The following TRIP12 variants were observed in gnomAD, a reference collection of about 807,000 sequenced individuals.
TRIP12 encodes the protein E3 ubiquitin-protein ligase TRIP12.
Under a neutral mutation model 244.2 loss-of-function variants are expected in TRIP12, and 25 were observed. The ratio of observed to expected loss-of-function variants is 0.10; its 90% CI spans 0.07 to 0.14. The LOEUF (loss-of-function observed/expected upper bound fraction) is 0.14, where lower values mean the gene tolerates loss of function less well. Among genes scored for constraint, TRIP12 ranks in the 10% least tolerant of loss-of-function variants. TRIP12 has a pLI of 1.00. For synonymous variants in TRIP12, 905 were observed against 873.1 expected (o/e 1.04, Z -0.64); for missense variants, 1,677 against 2,486.4 (o/e 0.67, Z 6.92).
upstream of TRIP12, chr2:229,922,495 A>T (rs2076750763): frequency 6.2e-7 from 1 of 1,613,518 alleles, no homozygotes; most frequent in South Asian, 1.1e-5. Context: ...TGTCTTAGCG[A>T]CGGCGGTGGC....
intron 1 of TRIP12, among the ~76,000 whole-genome samples, chr2:229,915,358 T>C (rs1414611484): frequency 6.6e-6 from 1 of 152,196 alleles, no homozygotes; most frequent in Non-Finnish European, 1.5e-5. Flanking sequence ...CTTTTTAAAA[T>C]GTATGATTTA....
At chr2:229,771,739 A>G in intron 38 of TRIP12, 107 bp from the exon 39 acceptor site, 2 of 732,286 alleles carry the variant, frequency 2.7e-6, no homozygotes, top group Non-Finnish European at 4.6e-6. Flanking sequence ...CTTTATAAAG[A>G]ACAAACAAGT....
At chr2:229,873,141 A>C (rs775821981) in intron 2 of TRIP12, among the ~76,000 whole-genome samples, 37 of 152,220 alleles carry the variant, frequency 2.4e-4, no homozygotes, top group Non-Finnish European at 4.6e-4. Context: ...AACAAGAATA[A>C]GGGTTTTCTT....
intron 4 of TRIP12, among the ~76,000 whole-genome samples, chr2:229,855,185 T>C (rs561703846): frequency 6.6e-6 from 1 of 152,240 alleles, no homozygotes; most frequent in Admixed American, 6.5e-5. Context: ...GAGAATCACT[T>C]GAACCCAGCA....
intron 23 of TRIP12, among the ~76,000 whole-genome samples, chr2:229,798,644 T>C (rs2043420260): frequency 6.6e-6 from 1 of 152,194 alleles, no homozygotes; most frequent in African/African-American, 2.4e-5. Context: ...TATAAGACTT[T>C]CAGCTAGGTA....
chr2:229,867,523 C>G (rs1428292891), intron 2 of TRIP12, among the ~76,000 whole-genome samples: 1 of 152,006 alleles, frequency 6.6e-6, no homozygotes, highest in Non-Finnish European at 1.5e-5. Flanking sequence ...GAAAACACCA[C>G]TATTAATTTT....
At chr2:229,850,588 C>A (rs1458881596) in intron 4 of TRIP12, among the ~76,000 whole-genome samples, 1 of 152,220 alleles carries the variant, frequency 6.6e-6, no homozygotes, top group Admixed American at 6.5e-5. Flanking sequence ...GCTCTCGGCG[C>A]CTCCTCTGCC....
In TRIP12 at chr2:229,815,363, G is replaced by C. The variant is rs575547675; in HGVS notation, c.1600-55C>G. On this transcript the variant is annotated intron_variant, in intron 9 of 41. Coordinates refer to ENST00000675903, the MANE Select transcript of TRIP12 (RefSeq NM_001348323.3). ...CTATATTCCTTGGGAAAATCCTAGA[G>C]GTATTTCTTCCTCTTCTATTTGAAC... is the stretch of plus-strand genomic sequence containing the variant. 4 of 1,051,780 alleles carry C rather than the reference G, an allele frequency of 3.8e-6. No homozygotes were observed. In the African/African-American group the frequency reaches 6.5e-5, roughly 17 times the overall value. The allele number at this position is 1,051,780 out of a possible 1,614,324, so 65.2% of individuals were successfully genotyped here.
chr2:229,883,302 G>A (rs1042467994), intron 1 of TRIP12, among the ~76,000 whole-genome samples: 1 of 152,150 alleles, frequency 6.6e-6, no homozygotes, highest in Admixed American at 6.5e-5. Context: ...AGAACCCAGA[G>A]GCCAAAAGTT....
rs534078238 is a variant in TRIP12, at chr2:229,765,165, G to A, written c.*2389C>T. The A allele has an allele frequency of 1.1e-4, 16 of 152,162 alleles. No individual in the cohort carries two copies. Among genetic ancestry groups the A allele is most frequent in the African/African-American group, 3.1e-4 (13 of 41,520 alleles). The allele number at this position is 152,162 out of a possible 1,614,324, so 9.4% of individuals were successfully genotyped here. ...ACTGTCTAAATGACAACACAAATTC[G>A]GTGTTAGCTATGACTAACATCTGAC... On this transcript the variant is annotated 3_prime_UTR_variant, in exon 42 of 42. Coordinates refer to ENST00000675903, the MANE Select transcript of TRIP12 (RefSeq NM_001348323.3).
chr2:229,805,413 A>G (rs1016989493), intron 18 of TRIP12, among the ~76,000 whole-genome samples: 5 of 152,162 alleles, frequency 3.3e-5, no homozygotes, highest in Admixed American at 2.6e-4. Context: ...GGAAGGTATA[A>G]AATACAAGGT....
At chr2:229,851,973 C>T (rs187276274) in intron 4 of TRIP12, among the ~76,000 whole-genome samples, 1 of 152,336 alleles carries the variant, frequency 6.6e-6, no homozygotes, top group Non-Finnish European at 1.5e-5. Flanking sequence ...ATTCATCTCT[C>T]CTGCTTAACT....
At chr2:229,864,041 AGAGAGAGTGTGTGTGTGTGT>A (rs1339454633) in intron 2 of TRIP12, among the ~76,000 whole-genome samples, 97 of 71,744 alleles carry the variant, frequency 1.4e-3, no homozygotes, top group African/African-American at 4.9e-3. Flanking sequence ...AGAGAGAGAG[AGAGAGAGTGTGTGTGTGTGT>A]GTGTGTGTGT....
chr2:229,862,280 C>T (rs1036148764), intron 2 of TRIP12, among the ~76,000 whole-genome samples: 1 of 152,060 alleles, frequency 6.6e-6, no homozygotes, highest in Non-Finnish European at 1.5e-5. Context: ...CTAAGAGTTG[C>T]TTTTGTTTTT....
At position 229,909,075 on chromosome 2, in the gene TRIP12, G is replaced by A. The variant is rs1405513494; in HGVS notation, c.-50+12805C>T. 3.1e-5 allele frequency among the ~76,000 whole-genome samples: 4 copies of A among 127,720 alleles called. No homozygotes were observed. The East Asian group carries it at 9.8e-4, about 31-fold the overall frequency. 83.8% of individuals were successfully genotyped at this position (127,720 alleles called of 152,430 possible). On this transcript the variant is annotated intron_variant, in intron 1 of 41. Coordinates refer to ENST00000675903, the MANE Select transcript of TRIP12 (RefSeq NM_001348323.3). Reference sequence around the variant, plus strand: ...ACTGCACTCCAGCCTGGGTGACAGAGTGAGACTCTGTCTCAAAAAAAAAAA... The same window carrying A: ...ACTGCACTCCAGCCTGGGTGACAGAATGAGACTCTGTCTCAAAAAAAAAAA...
intron 4 of TRIP12, among the ~76,000 whole-genome samples, chr2:229,849,309 A>G (rs1372086): frequency 0.15 from 22,661 of 152,176 alleles, 1,747 homozygotes; most frequent in Admixed American, 0.2. Context: ...TTCACGATAC[A>G]ATAAACCCTG....
intron 4 of TRIP12, among the ~76,000 whole-genome samples, chr2:229,847,666 A>C (rs2057849633): frequency 6.6e-6 from 1 of 152,240 alleles, no homozygotes; most frequent in Non-Finnish European, 1.5e-5. Flanking sequence ...CTGACACCAG[A>C]GAAACCCAAA....
chr2:229,808,935 C>T (rs891957394), intron 15 of TRIP12, among the ~76,000 whole-genome samples: 4 of 152,138 alleles, frequency 2.6e-5, no homozygotes, highest in Admixed American at 6.6e-5. Flanking sequence ...GAGGACTCTG[C>T]GTGATAACCA....
chr2:229,884,609 A>G (rs1025931214), intron 1 of TRIP12, among the ~76,000 whole-genome samples: 1 of 152,064 alleles, frequency 6.6e-6, no homozygotes, highest in Non-Finnish European at 1.5e-5. Flanking sequence ...AAAACCCAAA[A>G]CATTTTTTAA....
Sources: allele counts gnomAD v4.1 joint callset (sites outside exome capture counted in the v4.1 genomes callset), GRCh38; gene constraint gnomAD v4.1.1; transcripts MANE v1.5; gene names NCBI Gene and HGNC (gene_info 2026-07-23, HGNC 2026-07-21).